CCSER1: variants seen among roughly 807,000 people sequenced by gnomAD.
The protein encoded by CCSER1 is serine-rich coiled-coil domain-containing protein 1.
CCSER1 carries 41 observed loss-of-function variants against 82.0 expected under a neutral mutation model. The observed-to-expected ratio is 0.50, with a 90% CI of 0.39 to 0.65. The LOEUF is 0.65. Among genes scored for constraint, CCSER1 ranks in the 30% least tolerant of loss-of-function variants. The probability of loss-of-function intolerance (pLI) is 0.00; values close to 1 mark genes in which losing one functional copy is unlikely to be tolerated. For synonymous variants in CCSER1, 414 were observed against 383.9 expected (o/e 1.08, Z -0.92); for missense variants, 1,119 against 1,064.2 (o/e 1.05, Z -0.72).
intron 7 of CCSER1, among the ~76,000 whole-genome samples, chr4:90,752,574 C>A (rs1479034667): frequency 6.6e-6 from 1 of 151,950 alleles, no homozygotes; most frequent in East Asian, 1.9e-4. Context: ...ATAGTGGGGG[C>A]AGTTTTCTTC....
intron 1 of CCSER1, among the ~76,000 whole-genome samples, chr4:90,175,230 T>C (rs1031000622): frequency 6.6e-5 from 10 of 151,974 alleles, no homozygotes; most frequent in East Asian, 5.8e-4. Context: ...AAACTAGTTA[T>C]GCTGAGTGAA....
At chr4:91,543,533 A>G (rs997089451) in intron 10 of CCSER1, among the ~76,000 whole-genome samples, 1 of 152,088 alleles carries the variant, frequency 6.6e-6, no homozygotes, top group Admixed American at 6.6e-5. Flanking sequence ...CTTGGCTGTA[A>G]AGGATTTTCT....
At chr4:90,605,061 A>T (rs1784499532) in intron 5 of CCSER1, among the ~76,000 whole-genome samples, 1 of 151,896 alleles carries the variant, frequency 6.6e-6, no homozygotes, top group Non-Finnish European at 1.5e-5. Flanking sequence ...GCTGCTGCTG[A>T]CTCTTTGGGT....
At chr4:91,393,854 T>A (rs1359392942) in intron 10 of CCSER1, among the ~76,000 whole-genome samples, 4 of 152,108 alleles carry the variant, frequency 2.6e-5, no homozygotes, top group African/African-American at 9.7e-5. Context: ...TTTAATTGGG[T>A]TACAGCTGGT....
chr4:91,144,067 G>T (rs1197491160), intron 10 of CCSER1, among the ~76,000 whole-genome samples: 1 of 151,792 alleles, frequency 6.6e-6, no homozygotes, highest in African/African-American at 2.4e-5. Context: ...GCTCTTCTTT[G>T]TTTATCTGGC....
chr4:91,472,425 G>T (rs12331080), intron 10 of CCSER1, among the ~76,000 whole-genome samples: 1 of 152,114 alleles, frequency 6.6e-6, no homozygotes, highest in Non-Finnish European at 1.5e-5. Context: ...TTTTCCCATC[G>T]TATCAATCAA....
chr4:90,173,909 A>C (rs538342586), intron 1 of CCSER1, among the ~76,000 whole-genome samples: 11 of 152,022 alleles, frequency 7.2e-5, no homozygotes, highest in Admixed American at 5.9e-4. Context: ...TACCATGGAG[A>C]TGACTTAGTT....
At chr4:91,467,037 C>A (rs1454384367) in intron 10 of CCSER1, among the ~76,000 whole-genome samples, 1 of 152,104 alleles carries the variant, frequency 6.6e-6, no homozygotes, top group Non-Finnish European at 1.5e-5. Context: ...AAGAAGAGCC[C>A]ACATTGCCAA....
intron 7 of CCSER1, among the ~76,000 whole-genome samples, chr4:90,764,838 A>C (rs1476871016): frequency 6.6e-6 from 1 of 152,138 alleles, no homozygotes; most frequent in African/African-American, 2.4e-5. Context: ...TATTGGTAGC[A>C]GTTCATGCTC....
intron 10 of CCSER1, among the ~76,000 whole-genome samples, chr4:91,125,530 T>C (rs754001801): frequency 7.3e-5 from 11 of 151,724 alleles, no homozygotes; most frequent in Non-Finnish European, 1.3e-4. Flanking sequence ...TGTTTTGTGC[T>C]TTAGAAGATA....
intron 4 of CCSER1, among the ~76,000 whole-genome samples, chr4:90,452,832 A>G (rs935267283): frequency 7.2e-5 from 11 of 152,116 alleles, no homozygotes; most frequent in African/African-American, 2.7e-4. Context: ...TGAGGCAAGG[A>G]AAGAAGGACA....
At chr4:90,224,421 T>C (rs1164291527) in intron 1 of CCSER1, among the ~76,000 whole-genome samples, 2 of 152,302 alleles carry the variant, frequency 1.3e-5, no homozygotes, top group Admixed American at 6.5e-5. Flanking sequence ...ACAATGAAAA[T>C]AGGCTTAAGT....
chr4:90,960,712 C>T (rs1294069036), intron 9 of CCSER1, among the ~76,000 whole-genome samples: 1 of 152,134 alleles, frequency 6.6e-6, no homozygotes, highest in African/African-American at 2.4e-5. Flanking sequence ...GTTTATGGAA[C>T]CGCTGTACCT....
At chr4:91,463,535 G>C (rs112935593) in intron 10 of CCSER1, among the ~76,000 whole-genome samples, 1 of 151,952 alleles carries the variant, frequency 6.6e-6, no homozygotes, top group Admixed American at 6.6e-5. Flanking sequence ...GAGAGAAGGC[G>C]TCAGACGATC....
intron 8 of CCSER1, among the ~76,000 whole-genome samples, chr4:90,904,374 A>G (rs1725132842): frequency 6.6e-6 from 1 of 151,992 alleles, no homozygotes; most frequent in South Asian, 2.1e-4. Context: ...AACCTCTGCT[A>G]TTTCTCTGTT....
At chr4:91,411,491 CATATATATATATATATATATAT>C (rs770013398) in intron 10 of CCSER1, among the ~76,000 whole-genome samples, 9 of 53,792 alleles carry the variant, frequency 1.7e-4, no homozygotes, top group Middle Eastern at 0.02. Context: ...TGCATATATA[CATATATATATATATATATATAT>C]ATATATATAT....
chr4:90,819,763 A>G (rs1257792551), intron 8 of CCSER1, among the ~76,000 whole-genome samples: 1 of 152,240 alleles, frequency 6.6e-6, no homozygotes, highest in East Asian at 1.9e-4. Context: ...TAAAAAGTCA[A>G]GACTTATTAT....
intron 9 of CCSER1, among the ~76,000 whole-genome samples, chr4:91,022,247 C>T (rs10014924): frequency 0.13 from 19,548 of 149,264 alleles, 2,176 homozygotes; most frequent in African/African-American, 0.3. Flanking sequence ...TGAGAACATG[C>T]GGTGTTTGGT....
At chr4:90,739,275 C>G (rs1458428296) in intron 7 of CCSER1, among the ~76,000 whole-genome samples, 1 of 152,218 alleles carries the variant, frequency 6.6e-6, no homozygotes, top group Non-Finnish European at 1.5e-5. Flanking sequence ...GAGCTAGGAC[C>G]TGAAAGGGGG....
Sources: allele counts gnomAD v4.1 joint callset (sites outside exome capture counted in the v4.1 genomes callset), GRCh38; gene constraint gnomAD v4.1.1; transcripts MANE v1.5; gene names NCBI Gene and HGNC (gene_info 2026-07-23, HGNC 2026-07-21).